Variants in SYN3 observed in about 807,000 individuals in gnomAD.
The protein encoded by SYN3 is synapsin-3.
SYN3 carries 35 observed loss-of-function variants against 65.8 expected under a neutral mutation model. The observed-to-expected ratio is 0.53, with a 90% CI of 0.41 to 0.70. The LOEUF is 0.70. Ranked by LOEUF, SYN3 falls within the 30% of genes least tolerant of loss-of-function variation. SYN3 has a pLI of 0.00. For synonymous variants in SYN3, 270 were observed against 292.9 expected, an observed-to-expected ratio of 0.92 and a Z score of 0.80; for missense variants, 680 against 749.0, an observed-to-expected ratio of 0.91 and a Z score of 1.08.
chr22:32,572,398 C>CCCTT (rs2058781269), intron 7 of SYN3, among the ~76,000 whole-genome samples: 1 of 111,340 alleles, frequency 9.0e-6, no homozygotes, highest in Non-Finnish European at 1.8e-5. Context: ...TTCCTTCCCT[C>CCCTT]CCTCCCTCCT....
chr22:32,535,132 G>A (rs2058142171), intron 9 of SYN3, among the ~76,000 whole-genome samples: 1 of 152,182 alleles, frequency 6.6e-6, no homozygotes, highest in Admixed American at 6.5e-5. Context: ...CGATGATTAA[G>A]TGACTGTACC....
intron 6 of SYN3, among the ~76,000 whole-genome samples, chr22:32,628,205 C>T (rs1422252396): frequency 6.6e-6 from 1 of 152,078 alleles, no homozygotes; most frequent in Non-Finnish European, 1.5e-5. Flanking sequence ...TGTGGGCAGG[C>T]AAGATACAGT....
intron 6 of SYN3, among the ~76,000 whole-genome samples, chr22:32,834,477 A>G (rs1454607175): frequency 1.3e-5 from 2 of 152,074 alleles, no homozygotes; most frequent in Non-Finnish European, 1.5e-5. Context: ...CCACCTTTTG[A>G]TAGGAGCCTC....
chr22:32,573,004 TG>T (rs2058800457), intron 7 of SYN3, among the ~76,000 whole-genome samples: 2 of 152,194 alleles, frequency 1.3e-5, no homozygotes, highest in Admixed American at 6.5e-5. Context: ...TTATAAGAGG[TG>T]ATTGTTAAAT....
intron 6 of SYN3, among the ~76,000 whole-genome samples, chr22:32,757,159 G>C (rs932321999): frequency 6.6e-6 from 1 of 151,770 alleles, no homozygotes; most frequent in Admixed American, 6.6e-5. Flanking sequence ...TTTGCTTCCT[G>C]TTCTCACACC....
intron 6 of SYN3, among the ~76,000 whole-genome samples, chr22:32,634,724 C>A (rs992510868): frequency 6.6e-6 from 1 of 152,188 alleles, no homozygotes; most frequent in Admixed American, 6.5e-5. Context: ...CCAGGAATCC[C>A]TTCTTGGTTT....
At chr22:32,952,635 C>A (rs1011265842) in intron 3 of SYN3, among the ~76,000 whole-genome samples, 12 of 152,008 alleles carry the variant, frequency 7.9e-5, no homozygotes, top group African/African-American at 2.9e-4. Flanking sequence ...GCATGCCTAT[C>A]GTCCTAGTTA....
chr22:33,057,364 C>T lies in SYN3; in HGVS notation c.-163+928G>A, dbSNP rs572405855. Among the ~76,000 whole-genome samples, 61 of 152,324 alleles carry T rather than the reference C, an allele frequency of 4.0e-4. 2 individuals carry two copies. The South Asian group carries it at 0.012, about 31-fold the overall frequency. ...CTACCTACAGCAAGACCCGGTCCTA[C>T]TCCATTATCTGCTGTAGAATTATCT... On this transcript the variant is annotated intron_variant, in intron 1 of 13. Coordinates refer to ENST00000358763, the MANE Select transcript of SYN3 (RefSeq NM_003490.4).
At chr22:32,887,234 C>T (rs560268952) in intron 4 of SYN3, among the ~76,000 whole-genome samples, 10 of 152,052 alleles carry the variant, frequency 6.6e-5, no homozygotes, top group African/African-American at 1.2e-4. Flanking sequence ...CAATATTATC[C>T]GGGCATGGTG....
intron 6 of SYN3, among the ~76,000 whole-genome samples, chr22:32,601,944 CTTTT>C (rs757479781): frequency 7.3e-6 from 1 of 136,858 alleles, no homozygotes; most frequent in African/African-American, 2.6e-5. Context: ...CTTTTCTTTT[CTTTT>C]TTTTTTTTTG....
intron 6 of SYN3, among the ~76,000 whole-genome samples, chr22:32,757,384 G>A (rs1161057105): frequency 4.2e-5 from 6 of 143,244 alleles, no homozygotes; most frequent in African/African-American, 7.9e-5. Context: ...CACAATTTCC[G>A]CCTCCTGGGT....
intron 7 of SYN3, among the ~76,000 whole-genome samples, chr22:32,552,843 CTTAG>C (rs2058437154): frequency 6.6e-6 from 1 of 152,208 alleles, no homozygotes. Context: ...TATAATGTCA[CTTAG>C]TTAGGCTTCT....
intron 2 of SYN3, among the ~76,000 whole-genome samples, chr22:32,988,307 A>AATAATAATAAT (rs2052590967): frequency 4.9e-5 from 7 of 142,582 alleles, no homozygotes; most frequent in South Asian, 2.3e-4. Flanking sequence ...CTCTGTCTCA[A>AATAATAATAAT]AATAATAATA....
intron 6 of SYN3, among the ~76,000 whole-genome samples, chr22:32,608,143 C>T (rs1569086481): frequency 6.6e-6 from 1 of 151,986 alleles, no homozygotes; most frequent in South Asian, 2.1e-4. Flanking sequence ...TCTCGGCTCA[C>T]TGCAACCTCC....
chr22:32,843,773 C>T (rs1428089177), intron 6 of SYN3, among the ~76,000 whole-genome samples: 2 of 152,140 alleles, frequency 1.3e-5, no homozygotes, highest in Non-Finnish European at 2.9e-5. Context: ...AGCCCCTTCC[C>T]TGGGACTGAC....
chr22:32,716,675 T>G (rs1207835035), intron 6 of SYN3, among the ~76,000 whole-genome samples: 1 of 150,514 alleles, frequency 6.6e-6, no homozygotes. Flanking sequence ...GAACTACAGG[T>G]GCACGACACC....
At chr22:32,758,523 C>A (rs1296865768) in intron 6 of SYN3, among the ~76,000 whole-genome samples, 1 of 150,396 alleles carries the variant, frequency 6.6e-6, no homozygotes, top group Non-Finnish European at 1.5e-5. Context: ...AGCCTCCCAG[C>A]CTACATCTTT....
At chr22:32,976,568 G>A (rs2052193877) in intron 3 of SYN3, among the ~76,000 whole-genome samples, 1 of 152,156 alleles carries the variant, frequency 6.6e-6, no homozygotes, top group Non-Finnish European at 1.5e-5. Flanking sequence ...AAGACCCTTT[G>A]CCTCAAATAT....
intron 7 of SYN3, among the ~76,000 whole-genome samples, chr22:32,590,605 C>A (rs1322095259): frequency 2.0e-4 from 30 of 152,212 alleles, no homozygotes; most frequent in Admixed American, 2.0e-3. Flanking sequence ...AGTGGTTGTA[C>A]AAATTTATGC....
Sources: gnomAD v4.1 joint callset for allele counts (sites outside exome capture counted in the v4.1 genomes callset) on GRCh38, gnomAD v4.1.1 for gene constraint, MANE v1.5 for transcripts, NCBI Gene and HGNC (gene_info 2026-07-23, HGNC 2026-07-21) for gene names.